The following FBXO39 variants were observed in gnomAD, a reference collection of about 807,000 sequenced individuals.
The protein encoded by FBXO39 is F-box only protein 39.
Under a neutral mutation model 36.6 loss-of-function variants are expected in FBXO39, and 22 were observed. The ratio of observed to expected loss-of-function variants is 0.60; its 90% CI spans 0.43 to 0.86. The LOEUF is 0.86. Ranked by LOEUF, FBXO39 falls within the 40% of genes least tolerant of loss-of-function variation. FBXO39 has a pLI of 0.00. For missense variants in FBXO39, 536 were observed against 543.9 expected (o/e 0.99, Z 0.14); for synonymous variants, 206 against 205.8 (o/e 1.00, Z -0.01).
chr17:6,783,264 A>G (rs550624579), intron 2 of FBXO39, among the ~76,000 whole-genome samples: 11 of 152,238 alleles, frequency 7.2e-5, no homozygotes, highest in African/African-American at 2.6e-4. Context: ...TACAGTGAGC[A>G]ATACTAAGAG....
Position 6,780,377 on chromosome 17 carries a change from A to G in FBXO39, c.509A>G (p.Lys170Arg), listed in dbSNP as rs915258169. ...MGKRLDYLNL[K>R]GARLTVEQGC... Reference sequence around the variant, plus strand: ...AAACGCCTGGATTATCTCAACCTAAAAGGGGCCAGGCTGACCGTGGAGCAA... The same window carrying G: ...AAACGCCTGGATTATCTCAACCTAAGAGGGGCCAGGCTGACCGTGGAGCAA... Residue 170 changes from lysine to arginine, a missense_variant, in exon 2 of 4, where the codon AAA (lysine) becomes AGA (arginine). Lys to Arg is a conservative substitution (Grantham distance 26). Transcript: ENST00000321535. 29 of 1,613,964 alleles carry G rather than the reference A, an allele frequency of 1.8e-5. No homozygotes were observed. The highest frequency in any genetic ancestry group is 2.3e-5 in the Non-Finnish European group (27 of 1,180,010).
intron 1 of FBXO39, among the ~76,000 whole-genome samples, chr17:6,777,709 G>A (rs1976449838): frequency 6.6e-6 from 1 of 152,194 alleles, no homozygotes; most frequent in South Asian, 2.1e-4. Context: ...AGCAGAAGGA[G>A]GTTGTCAAGG....
At chr17:6,785,875 G>A (rs749223239) in intron 2 of FBXO39, among the ~76,000 whole-genome samples, 2 of 152,166 alleles carry the variant, frequency 1.3e-5, no homozygotes, top group Middle Eastern at 3.2e-3. Flanking sequence ...AGGATGTAGA[G>A]AAAAGGAAAT....
In FBXO39 at chr17:6,780,793, A is replaced by G. The variant is rs373266699; in HGVS notation, c.925A>G (p.Arg309Gly). 30 of 1,614,048 alleles carry G rather than the reference A, an allele frequency of 1.9e-5. No homozygotes were observed. In the African/African-American group the frequency reaches 3.9e-4, roughly 21 times the overall value. ...ARILLQEIPI[R>G]SISLRSCYFS... ...AATCCTCTTGCAGGAGATCCCGATC[A>G]GGAGCATCAGTCTGAGAAGCTGCTA... The change falls in exon 2 of 4, where the codon AGG (arginine) becomes GGG (glycine). Residue 309 changes from arginine to glycine, a missense_variant. Arg to Gly is a moderately radical substitution (Grantham distance 125). Transcript: ENST00000321535.
chr17:6,784,953 G>GTATATATATATATATATATATATATATA (rs1235738371), intron 2 of FBXO39, among the ~76,000 whole-genome samples: 9 of 113,818 alleles, frequency 7.9e-5, no homozygotes, highest in African/African-American at 3.3e-4. Flanking sequence ...GTGTGTGTGT[G>GTATATATATATATATATATATATATATA]TATATATATA....
intron 2 of FBXO39, among the ~76,000 whole-genome samples, chr17:6,782,670 A>G (rs1407979456): frequency 1.3e-5 from 2 of 152,206 alleles, no homozygotes; most frequent in African/African-American, 4.8e-5. Context: ...ATCTATAAAA[A>G]GAGACAGAGT....
chr17:6,781,456 G>A (rs919772242), intron 2 of FBXO39, among the ~76,000 whole-genome samples: 9 of 152,188 alleles, frequency 5.9e-5, no homozygotes, highest in Non-Finnish European at 1.2e-4. Context: ...GGATCATTTT[G>A]TCTTTCCAAG....
rs1244146159 is a variant in FBXO39 at position 6,780,818 on chromosome 17, A to G, written c.950A>G (p.Tyr317Cys). The G allele has an allele frequency of 6.2e-7, 1 of 1,614,050 alleles. No individual in the cohort carries two copies. The highest frequency in any genetic ancestry group is 2.2e-5 in the East Asian group (1 of 44,866). Residue 317 changes from tyrosine to cysteine, a missense_variant, in exon 2 of 4, where the codon TAT becomes TGT. Coordinates refer to ENST00000321535, the MANE Select transcript of FBXO39 (RefSeq NM_153230.3). ...PIRSISLRSC[Y>C]FSDPDCSMRP... The stretch of plus-strand genomic sequence containing the variant: ...AGGAGCATCAGTCTGAGAAGCTGCT[A>G]TTTCAGTGACCCAGACTGTTCAATG...
At chr17:6,777,378 C>T (rs1401791257) in intron 1 of FBXO39, among the ~76,000 whole-genome samples, 6 of 152,066 alleles carry the variant, frequency 3.9e-5, no homozygotes, top group African/African-American at 9.7e-5. Flanking sequence ...CCTGTTCCTG[C>T]GTTAGTTTGC....
In FBXO39 at chr17:6,776,873, G is replaced by A. The variant is rs77339943; in HGVS notation, c.-81+601G>A. Among the ~76,000 whole-genome samples, 8 of 151,766 alleles carry A rather than the reference G, an allele frequency of 5.3e-5. No individual in the cohort carries two copies. In the East Asian group the frequency reaches 1.6e-3, roughly 30 times the overall value. Reference sequence around the variant, plus strand: ...TGCCTAAGGTCATCCGACTGTAATGGGCATAGCTAGGATGCAGCCCACTAA... The same window carrying A: ...TGCCTAAGGTCATCCGACTGTAATGAGCATAGCTAGGATGCAGCCCACTAA... On this transcript the variant is annotated intron_variant, in intron 1 of 3. Coordinates refer to ENST00000321535, the MANE Select transcript of FBXO39 (RefSeq NM_153230.3).
chr17:6,786,895 G>A lies in FBXO39; in HGVS notation c.1139G>A (p.Ser380Asn). The change falls in exon 3 of 4, where the codon AGT becomes AAT. Residue 380 changes from serine to asparagine, a missense_variant. By Grantham distance (46) the Ser-to-Asn change is conservative. Coordinates refer to ENST00000321535, the MANE Select transcript of FBXO39 (RefSeq NM_153230.3). ...YFKIWAFLDV[S>N]FVERILKSQK... Reference sequence around the variant, plus strand: ...AAAATCTGGGCTTTCCTTGATGTTAGTTTTGTGGAGCGGATCCTGAAGAGT... The same window carrying A: ...AAAATCTGGGCTTTCCTTGATGTTAATTTTGTGGAGCGGATCCTGAAGAGT... The A allele has an allele frequency of 6.2e-7, 1 of 1,614,116 alleles. No individual in the cohort carries two copies. The highest frequency in any genetic ancestry group is 1.3e-5 in the African/African-American group (1 of 75,044).
intron 2 of FBXO39, among the ~76,000 whole-genome samples, chr17:6,785,466 A>G (rs1449402188): frequency 6.6e-6 from 1 of 152,208 alleles, no homozygotes; most frequent in Non-Finnish European, 1.5e-5. Context: ...CCACAAGCAC[A>G]GGCAATCTAA....
Position 6,780,861 on chromosome 17 carries a change from T to A in FBXO39, c.993T>A (p.Asp331Glu). 1.2e-6 allele frequency: 2 copies of A among 1,613,266 alleles called. No homozygotes were observed. Among genetic ancestry groups the A allele is most frequent in the Non-Finnish European group, 1.7e-6 (2 of 1,179,976 alleles). Residue 331 changes from aspartate to glutamate, a missense_variant, in exon 2 of 4, where the codon GAT (aspartate) becomes GAA (glutamate). Asp to Glu is a conservative substitution (Grantham distance 45). Transcript: ENST00000321535. ...GTTCAATGAGACCCACTCTGATAGA[T>A]CTCCTGCCCACCTTCCGGCACACTC... ...PDCSMRPTLIDLLPTFRHTLQ... is the reference protein window; with the variant it reads ...PDCSMRPTLIELLPTFRHTLQ...
At position 6,780,985 on chromosome 17, in the gene FBXO39, T is replaced by C. The variant is rs556037151; in HGVS notation, c.1023+94T>C. The C allele has an allele frequency of 4.6e-5, 61 of 1,321,434 alleles. 2 individuals are homozygous for C. The highest frequency in any genetic ancestry group is 4.1e-4 in the South Asian group (29 of 70,578). 81.9% of individuals were successfully genotyped at this position (1,321,434 alleles called of 1,614,324 possible). On this transcript the variant is annotated intron_variant, in intron 2 of 3. Coordinates refer to ENST00000321535, the MANE Select transcript of FBXO39 (RefSeq NM_153230.3). The stretch of plus-strand genomic sequence containing the variant: ...GCCTGCTCTTGGCTAGGCTCCCAAA[T>C]GTTCACTCAATCTCAAATTGAAGTT...
intron 1 of FBXO39, 27 bp downstream of exon 1, chr17:6,776,299 C>G (rs996043556): frequency 2.0e-5 from 3 of 152,336 alleles, no homozygotes; most frequent in African/African-American, 7.2e-5. Flanking sequence ...CCCTGCAGCC[C>G]GAGCGGGGTT....
At chr17:6,781,628 G>T (rs1028372520) in intron 2 of FBXO39, among the ~76,000 whole-genome samples, 1 of 152,112 alleles carries the variant, frequency 6.6e-6, no homozygotes, top group Non-Finnish European at 1.5e-5. Flanking sequence ...AGAACTTGAG[G>T]TTCAATGACC....
Position 6,787,546 on chromosome 17 carries a change from T to C in FBXO39, c.*118T>C, listed in dbSNP as rs4606762. 31 of 1,259,640 alleles carry C rather than the reference T, an allele frequency of 2.5e-5. No individual in the cohort carries two copies. Among genetic ancestry groups the C allele is most frequent in the Non-Finnish European group, 3.2e-5 (29 of 912,320 alleles). The allele number at this position is 1,259,640 out of a possible 1,614,324, so 78.0% of individuals were successfully genotyped here. On this transcript the variant is annotated 3_prime_UTR_variant, in exon 4 of 4. Transcript: ENST00000321535. Reference sequence around the variant, plus strand: ...TCCTCTCTCTCCCCTCCACTTTTTTTTTTTGTCAGCTCCATGACAACATGA... The same window carrying C: ...TCCTCTCTCTCCCCTCCACTTTTTTCTTTTGTCAGCTCCATGACAACATGA...
chr17:6,785,965 A>C (rs946225051), intron 2 of FBXO39, among the ~76,000 whole-genome samples: 4 of 152,214 alleles, frequency 2.6e-5, no homozygotes, highest in African/African-American at 9.6e-5. Flanking sequence ...AAAACTAAAA[A>C]TAGAGCTTAC....
At position 6,787,223 on chromosome 17, in the gene FBXO39, C is replaced by CGTGTGTGTGT. The variant is rs754209458; in HGVS notation, c.1201-72_1201-63dup. The CGTGTGTGTGT allele has an allele frequency of 3.4e-4, 478 of 1,397,078 alleles. 1 individual carries two copies. Among genetic ancestry groups the CGTGTGTGTGT allele is most frequent in the African/African-American group, 2.3e-3 (146 of 62,410 alleles). 86.5% of individuals were successfully genotyped at this position (1,397,078 alleles called of 1,614,324 possible). On this transcript the variant is annotated intron_variant, in intron 3 of 3. Coordinates refer to ENST00000321535, the MANE Select transcript of FBXO39 (RefSeq NM_153230.3). ...GTCAAGCCCTGAAAAGTGTAGTCAC[C>CGTGTGTGTGT]GTGTGTGTGTGTGTATGTGTGTGTG... is the stretch of plus-strand genomic sequence containing the variant.
Sources: gnomAD v4.1 joint callset for allele counts (sites outside exome capture counted in the v4.1 genomes callset) on GRCh38, gnomAD v4.1.1 for gene constraint, MANE v1.5 for transcripts, NCBI Gene and HGNC (gene_info 2026-07-23, HGNC 2026-07-21) for gene names.